The following MAP2K5 variants were observed in gnomAD, a reference collection of about 807,000 sequenced individuals.
The protein encoded by MAP2K5 is dual specificity mitogen-activated protein kinase kinase 5.
A neutral mutation model predicts 83.1 loss-of-function variants in MAP2K5; 49 were observed. That is an observed-to-expected ratio of 0.59 (90% CI 0.47 to 0.75). MAP2K5 has a LOEUF of 0.75. Ranked by LOEUF, MAP2K5 falls within the 30% of genes least tolerant of loss-of-function variation. The pLI, the probability that MAP2K5 is intolerant of heterozygous loss-of-function variation, is 0.00. For synonymous variants in MAP2K5, 202 were observed against 191.8 expected (o/e 1.05, Z -0.44); for missense variants, 457 against 557.5 (o/e 0.82, Z 1.82).
chr15:67,729,931 A>G (rs2083294189), intron 17 of MAP2K5, among the ~76,000 whole-genome samples: 1 of 152,226 alleles, frequency 6.6e-6, no homozygotes, highest in Non-Finnish European at 1.5e-5. Context: ...TTCTAATACT[A>G]TGCTGAACTC....
At chr15:67,716,560 A>G (rs187879198) in intron 16 of MAP2K5, among the ~76,000 whole-genome samples, 3 of 152,280 alleles carry the variant, frequency 2.0e-5, no homozygotes, top group African/African-American at 7.2e-5. Flanking sequence ...ATTCTCTTAT[A>G]TGCCTTATGT....
At chr15:67,619,858 G>T (rs2086141235) in intron 8 of MAP2K5, among the ~76,000 whole-genome samples, 2 of 152,192 alleles carry the variant, frequency 1.3e-5, no homozygotes. Flanking sequence ...TTGAGGCCAG[G>T]AGTTCAAGAC....
intron 4 of MAP2K5, among the ~76,000 whole-genome samples, chr15:67,584,720 C>T (rs1036991097): frequency 3.4e-5 from 5 of 145,884 alleles, no homozygotes; most frequent in African/African-American, 1.0e-4. Context: ...GCTCTGTCGC[C>T]CAGGCTGGAG....
chr15:67,776,440 T>C (rs992458747), intron 21 of MAP2K5, among the ~76,000 whole-genome samples: 2 of 152,068 alleles, frequency 1.3e-5, no homozygotes, highest in African/African-American at 2.4e-5. Flanking sequence ...AGGGATTCCA[T>C]GGCTTATGTG....
intron 7 of MAP2K5, among the ~76,000 whole-genome samples, chr15:67,596,423 T>C (rs11637401): frequency 1 from 151,756 of 152,308 alleles, 75,605 homozygotes; most frequent in Non-Finnish European, 1. Flanking sequence ...CAAAAAAAAC[T>C]CAACAACAAC....
rs1305025547 is a variant in MAP2K5, at chr15:67,559,229, A to G, written c.185-4054A>G. Reference sequence around the variant, plus strand: ...ACCTGGCACAGAAGGAGTGTGACAAATGACATATAATATATTGCCTTAACT... The same window carrying G: ...ACCTGGCACAGAAGGAGTGTGACAAGTGACATATAATATATTGCCTTAACT... On this transcript the variant is annotated intron_variant, in intron 2 of 21. Coordinates refer to ENST00000178640, the MANE Select transcript of MAP2K5 (RefSeq NM_145160.3). This position sits in a 1 kb window ranked among gnomAD's most constrained non-coding sequence, Gnocchi z 4.7. Among the ~76,000 whole-genome samples, 2 of 152,204 alleles carry G rather than the reference A, an allele frequency of 1.3e-5. No individual in the cohort carries two copies. The highest frequency in any genetic ancestry group is 2.9e-5 in the Non-Finnish European group (2 of 68,044).
rs541926782 is a variant in MAP2K5 at position 67,791,460 on chromosome 15, G to A, written c.1243-15186G>A. Among the ~76,000 whole-genome samples the A allele has an allele frequency of 2.8e-4, 42 of 152,302 alleles. No individual in the cohort carries two copies. In the South Asian group the frequency reaches 8.5e-3, roughly 31 times the overall value. On this transcript the variant is annotated intron_variant, in intron 21 of 21. Transcript: ENST00000178640. ...TACCATCTTAGAGTGCAGTGTCCTT[G>A]TTTATAAAATAGGTTATCATTTACT...
chr15:67,683,347 G>A (rs1458612664), intron 13 of MAP2K5, among the ~76,000 whole-genome samples: 1 of 152,160 alleles, frequency 6.6e-6, no homozygotes, highest in East Asian at 1.9e-4. Flanking sequence ...CATGAATTCA[G>A]ATTTAACCTA....
chr15:67,552,083 G>A lies in MAP2K5; in HGVS notation c.184+2001G>A, dbSNP rs2084521792. Reference sequence around the variant, plus strand: ...CCTGAGGCTTGGGTTGGTGGGGGCGGGAGGGGGTGGATGAATGATCACACT... The same window carrying A: ...CCTGAGGCTTGGGTTGGTGGGGGCGAGAGGGGGTGGATGAATGATCACACT... On this transcript the variant is annotated intron_variant, in intron 2 of 21. Coordinates refer to ENST00000178640, the MANE Select transcript of MAP2K5 (RefSeq NM_145160.3). This position sits in a 1 kb window ranked among gnomAD's most constrained non-coding sequence, Gnocchi z 4.2. Among the ~76,000 whole-genome samples the A allele has an allele frequency of 6.6e-6, 1 of 151,990 alleles. No homozygotes were observed. The highest frequency in any genetic ancestry group is 6.6e-5 in the Admixed American group (1 of 15,252).
chr15:67,658,248 A>G (rs1414949209), intron 11 of MAP2K5, among the ~76,000 whole-genome samples: 2 of 152,144 alleles, frequency 1.3e-5, no homozygotes, highest in South Asian at 2.1e-4. Flanking sequence ...ATTGATCTTT[A>G]TAATTTTGTG....
chr15:67,718,810 G>A (rs1800770741), intron 16 of MAP2K5, among the ~76,000 whole-genome samples: 1 of 152,074 alleles, frequency 6.6e-6, no homozygotes, highest in Admixed American at 6.6e-5. Context: ...TGTGTATGGG[G>A]TACATGAGAT....
intron 21 of MAP2K5, among the ~76,000 whole-genome samples, chr15:67,789,836 T>C (rs975839938): frequency 6.6e-6 from 1 of 152,214 alleles, no homozygotes; most frequent in African/African-American, 2.4e-5. Flanking sequence ...CCTGTTTTTC[T>C]GTTGAATGTG....
In MAP2K5 at chr15:67,542,899, C is replaced by T. The variant is rs1229703751; in HGVS notation, c.-437C>T. On this transcript the variant is annotated 5_prime_UTR_variant, in exon 1 of 22. Transcript: ENST00000178640. Reference sequence around the variant, plus strand: ...CGGCCCTGGGGCTCTTTCTTAATAGCCCCGGACTGAGTCCCCTCCAGTCGA... The same window carrying T: ...CGGCCCTGGGGCTCTTTCTTAATAGTCCCGGACTGAGTCCCCTCCAGTCGA... 1 of 175,316 alleles carries T rather than the reference C, an allele frequency of 5.7e-6. No homozygotes were observed. Among genetic ancestry groups the T allele is most frequent in the Non-Finnish European group, 1.2e-5 (1 of 81,734 alleles). The allele number at this position is 175,316 out of a possible 1,614,324, so 10.9% of individuals were successfully genotyped here.
At chr15:67,788,107 C>T (rs1315945864) in intron 21 of MAP2K5, among the ~76,000 whole-genome samples, 4 of 152,358 alleles carry the variant, frequency 2.6e-5, no homozygotes, top group Admixed American at 6.5e-5. Flanking sequence ...GCAGCTTCCT[C>T]TTCATGGACC....
Position 67,662,620 on chromosome 15 carries a change from A to G in MAP2K5, c.799-1977A>G, listed in dbSNP as rs74358924. Among the ~76,000 whole-genome samples the G allele has an allele frequency of 5.5e-3, 835 of 152,258 alleles. 6 individuals carry two copies. The highest frequency in any genetic ancestry group is 0.017 in the African/African-American group (717 of 41,568). On this transcript the variant is annotated intron_variant, in intron 12 of 21. Coordinates refer to ENST00000178640, the MANE Select transcript of MAP2K5 (RefSeq NM_145160.3). ...CATTTCCTTTTATAGCAATTTATACATAAAGATTTTTTAAGTTTTTAATGG... is the reference window on the plus strand; with the variant it reads ...CATTTCCTTTTATAGCAATTTATACGTAAAGATTTTTTAAGTTTTTAATGG...
rs1044376470 is a variant in MAP2K5, at chr15:67,770,578, A to G, written c.1196+915A>G. ...CCCTCCTTCACCAAAGTCCAGAGTC[A>G]TGTCCACTGGTGGAAAATGAATGGG... On this transcript the variant is annotated intron_variant, in intron 20 of 21. Transcript: ENST00000178640. This position sits in a 1 kb window ranked among gnomAD's most constrained non-coding sequence, Gnocchi z 5.0. Among the ~76,000 whole-genome samples, 3 of 152,206 alleles carry G rather than the reference A, an allele frequency of 2.0e-5. No individual in the cohort carries two copies. The highest frequency in any genetic ancestry group is 7.2e-5 in the African/African-American group (3 of 41,460).
rs1177400649 is a variant in MAP2K5 at position 67,690,006 on chromosome 15, G to A, written c.848-2473G>A. On this transcript the variant is annotated intron_variant, in intron 13 of 21. Coordinates refer to ENST00000178640, the MANE Select transcript of MAP2K5 (RefSeq NM_145160.3). This position sits in a 1 kb window ranked among gnomAD's most constrained non-coding sequence, Gnocchi z 4.3. Reference sequence around the variant, plus strand: ...TTTGTAAACTTTGTTAAAACATTATGGGATTTTTGTGTGTGTGCCATTTTT... The same window carrying A: ...TTTGTAAACTTTGTTAAAACATTATAGGATTTTTGTGTGTGTGCCATTTTT... Among the ~76,000 whole-genome samples, 2 of 152,118 alleles carry A rather than the reference G, an allele frequency of 1.3e-5. No homozygotes were observed. The highest frequency in any genetic ancestry group is 2.9e-5 in the Non-Finnish European group (2 of 68,040).
At chr15:67,751,399 G>A (rs1352673573) in intron 19 of MAP2K5, among the ~76,000 whole-genome samples, 1 of 152,184 alleles carries the variant, frequency 6.6e-6, no homozygotes, top group African/African-American at 2.4e-5. Flanking sequence ...GTGCCTCAGA[G>A]TTGCTTCTCA....
At chr15:67,743,243 A>G (rs551886513) in intron 17 of MAP2K5, among the ~76,000 whole-genome samples, 5 of 152,194 alleles carry the variant, frequency 3.3e-5, no homozygotes, top group Non-Finnish European at 7.3e-5. Context: ...AGATCTTAGA[A>G]TGCGAGAATC....
Sources: gnomAD v4.1 joint callset for allele counts (sites outside exome capture counted in the v4.1 genomes callset) on GRCh38, gnomAD v4.1.1 for gene constraint, Gnocchi (gnomAD v3.1) non-coding constraint, MANE v1.5 for transcripts, NCBI Gene and HGNC (gene_info 2026-07-23, HGNC 2026-07-21) for gene names.